The following AMD1 variants were observed in gnomAD, a reference collection of about 807,000 sequenced individuals.
AMD1 encodes the protein adenosylmethionine decarboxylase 1.
A neutral mutation model predicts 40.2 loss-of-function variants in AMD1; 11 were observed. That is an observed-to-expected ratio of 0.27 (90% CI 0.17 to 0.45). AMD1 has a LOEUF of 0.45. Ranked by LOEUF, AMD1 falls within the 20% of genes least tolerant of loss-of-function variation. AMD1 has a pLI of 1.00. For missense variants in AMD1, 257 were observed against 410.2 expected, an observed-to-expected ratio of 0.63 and a Z score of 3.23; for synonymous variants, 121 against 130.8, an observed-to-expected ratio of 0.93 and a Z score of 0.51.
the AMD1 span, among the ~76,000 whole-genome samples, chr6:110,832,837 T>C: frequency 2.0e-5 from 3 of 152,156 alleles, no homozygotes; most frequent in African/African-American, 7.2e-5. Flanking sequence ...TGTTTTGTTT[T>C]TGAGACAGAG....
chr6:110,895,550 A>G lies in AMD1; in HGVS notation c.*1934A>G, dbSNP rs1786255530. 6.6e-6 allele frequency: 1 copy of G among 152,630 alleles called. No individual in the cohort carries two copies. The highest frequency in any genetic ancestry group is 2.4e-5 in the African/African-American group (1 of 41,454). The allele number at this position is 152,630 out of a possible 1,614,324, so 9.5% of individuals were successfully genotyped here. ...ATGGGACAAAGCCTAGAAAAGAGAA[A>G]TGTAGTTTGAATCATAATCTAAATC... On this transcript the variant is annotated 3_prime_UTR_variant, in exon 9 of 9. Transcript: ENST00000368885.
At chr6:110,876,989 T>C (rs1785148543) in intron 1 of AMD1, among the ~76,000 whole-genome samples, 1 of 152,242 alleles carries the variant, frequency 6.6e-6, no homozygotes, top group Admixed American at 6.5e-5. Context: ...TAGAGCTTCC[T>C]GAGTCAAAGT....
At chr6:110,824,459 A>G in the AMD1 span, among the ~76,000 whole-genome samples, 1 of 152,158 alleles carries the variant, frequency 6.6e-6, no homozygotes, top group African/African-American at 2.4e-5. Flanking sequence ...AAAAAATGAC[A>G]TATTGGGTAC....
chr6:110,828,624 A>G, the AMD1 span, among the ~76,000 whole-genome samples: 2 of 152,218 alleles, frequency 1.3e-5, no homozygotes, highest in Non-Finnish European at 2.9e-5. Flanking sequence ...TGATGGGAAT[A>G]CTAAGCAAAA....
chr6:110,875,040 G>T lies in AMD1; in HGVS notation c.-66G>T. ...AACAATCCGCAGCGGCGGCGGCAGC[G>T]GCGGGAGAAGAGGTTTAATTTAGTT... On this transcript the variant is annotated 5_prime_UTR_variant, in exon 1 of 9. Coordinates refer to ENST00000368885, the MANE Select transcript of AMD1 (RefSeq NM_001634.6). 7.8e-7 allele frequency: 1 copy of T among 1,279,722 alleles called. No homozygotes were observed. Among genetic ancestry groups the T allele is most frequent in the Non-Finnish European group, 1.1e-6 (1 of 906,050 alleles). 79.3% of individuals were successfully genotyped at this position (1,279,722 alleles called of 1,614,324 possible). A position where few individuals can be genotyped will look rare whatever the true frequency, so the allele number is the denominator to read the frequency against.
chr6:110,861,042 C>T, the AMD1 span, among the ~76,000 whole-genome samples: 1 of 151,826 alleles, frequency 6.6e-6, no homozygotes, highest in Non-Finnish European at 1.5e-5. Context: ...TGGTGAAACC[C>T]AGTCTCTACA....
At chr6:110,822,842 C>G in the AMD1 span, among the ~76,000 whole-genome samples, 1 of 152,150 alleles carries the variant, frequency 6.6e-6, no homozygotes. Flanking sequence ...AGACTGGGCA[C>G]AGTGGCTCAT....
intron 3 of AMD1, chr6:110,890,013 A>AG (rs1785922396): frequency 1.1e-5 from 4 of 375,752 alleles, no homozygotes; most frequent in Admixed American, 4.5e-5. Context: ...TTTTAAAAAA[A>AG]AGAGAGAGAG....
chr6:110,851,607 C>T, the AMD1 span, among the ~76,000 whole-genome samples: 3 of 152,110 alleles, frequency 2.0e-5, no homozygotes, highest in Admixed American at 6.6e-5. Flanking sequence ...GGATTACAGG[C>T]ATGCACCACC....
chr6:110,878,369 A>ATAC (rs1785223098), intron 1 of AMD1, among the ~76,000 whole-genome samples: 1 of 152,196 alleles, frequency 6.6e-6, no homozygotes, highest in Non-Finnish European at 1.5e-5. Flanking sequence ...CTGAATGTAC[A>ATAC]CCTTTTTACT....
intron 1 of AMD1, chr6:110,875,485 A>C: frequency 2.7e-6 from 1 of 369,578 alleles, no homozygotes; most frequent in Non-Finnish European, 4.9e-6. Context: ...TGCTCAGGTA[A>C]CGTCCCGCGC....
chr6:110,817,601 C>T, the AMD1 span, among the ~76,000 whole-genome samples: 1 of 151,752 alleles, frequency 6.6e-6, no homozygotes, highest in African/African-American at 2.4e-5. Context: ...AGAGCAAGAC[C>T]CCGACTCAAA....
At chr6:110,851,631 T>A in the AMD1 span, among the ~76,000 whole-genome samples, 1 of 152,174 alleles carries the variant, frequency 6.6e-6, no homozygotes, top group Middle Eastern at 3.4e-3. Flanking sequence ...CCCAGCTAAT[T>A]TTATATTTTT....
the AMD1 span, among the ~76,000 whole-genome samples, chr6:110,817,728 GA>G: frequency 1.3e-5 from 2 of 152,166 alleles, no homozygotes; most frequent in South Asian, 4.1e-4. Context: ...AATTAAACCT[GA>G]AAAAACAAAT....
At chr6:110,855,770 A>G in the AMD1 span, among the ~76,000 whole-genome samples, 1 of 152,164 alleles carries the variant, frequency 6.6e-6, no homozygotes, top group African/African-American at 2.4e-5. Flanking sequence ...AAAGAAAGGT[A>G]TCCTAACCCA....
At chr6:110,824,322 G>A in the AMD1 span, among the ~76,000 whole-genome samples, 1 of 152,146 alleles carries the variant, frequency 6.6e-6, no homozygotes, top group African/African-American at 2.4e-5. Context: ...ACTCAGGAAT[G>A]GAAAACCAAA....
At chr6:110,890,621 G>T (rs1785959672) in intron 4 of AMD1, among the ~76,000 whole-genome samples, 1 of 151,954 alleles carries the variant, frequency 6.6e-6, no homozygotes, top group Admixed American at 6.6e-5. Context: ...AAGTAGCTGG[G>T]GCTACAGATG....
chr6:110,879,234 C>A (rs1222579489), intron 1 of AMD1, among the ~76,000 whole-genome samples: 1 of 152,134 alleles, frequency 6.6e-6, no homozygotes, highest in Non-Finnish European at 1.5e-5. Flanking sequence ...TGTCTGCATC[C>A]CAGCCACTCG....
At chr6:110,841,751 A>T in the AMD1 span, among the ~76,000 whole-genome samples, 1 of 151,802 alleles carries the variant, frequency 6.6e-6, no homozygotes, top group African/African-American at 2.4e-5. Flanking sequence ...AAAAAAGGAA[A>T]ATTAAAATGC....
Sources: gnomAD v4.1 joint callset for allele counts (sites outside exome capture counted in the v4.1 genomes callset) on GRCh38, gnomAD v4.1.1 for gene constraint, MANE v1.5 for transcripts, NCBI Gene and HGNC (gene_info 2026-07-23, HGNC 2026-07-21) for gene names.